SUGCT: variants seen among roughly 807,000 people sequenced by gnomAD.
SUGCT encodes the protein succinyl-CoA:glutarate CoA-transferase.
In SUGCT, 41 loss-of-function variants were observed where a neutral mutation model predicts 55.0. The ratio of observed to expected loss-of-function variants is 0.74; its 90% CI spans 0.58 to 0.97. The LOEUF (loss-of-function observed/expected upper bound fraction) is 0.97. Ranked by LOEUF, SUGCT falls within the 50% of genes least tolerant of loss-of-function variation. The pLI is 0.00. For synonymous variants in SUGCT, 187 were observed against 200.4 expected (o/e 0.93, Z 0.56); for missense variants, 568 against 547.8 (o/e 1.04, Z -0.37).
intron 12 of SUGCT, among the ~76,000 whole-genome samples, chr7:40,694,384 C>G (rs1486384641): frequency 6.6e-6 from 1 of 152,224 alleles, no homozygotes; most frequent in East Asian, 1.9e-4. Context: ...GGGCTGCCAT[C>G]CCTTTCTTGA....
chr7:40,794,745 T>C (rs1399574750), intron 13 of SUGCT, among the ~76,000 whole-genome samples: 1 of 152,214 alleles, frequency 6.6e-6, no homozygotes, highest in Non-Finnish European at 1.5e-5. Context: ...TAGCCATACA[T>C]TTAAAATATT....
the SUGCT span, among the ~76,000 whole-genome samples, chr7:40,873,891 A>G: frequency 6.6e-6 from 1 of 152,360 alleles, no homozygotes; most frequent in East Asian, 1.9e-4. Flanking sequence ...AGAGATGGGA[A>G]TGACTCTGTA....
At chr7:40,723,656 C>T (rs138706730) in intron 12 of SUGCT, among the ~76,000 whole-genome samples, 13 of 152,174 alleles carry the variant, frequency 8.5e-5, no homozygotes, top group African/African-American at 3.1e-4. Flanking sequence ...AATTAAATCA[C>T]GAAACCACAG....
chr7:40,763,441 C>T (rs1055433387), intron 13 of SUGCT, among the ~76,000 whole-genome samples: 6 of 152,104 alleles, frequency 3.9e-5, no homozygotes, highest in East Asian at 3.9e-4. Flanking sequence ...CCTTTTATTG[C>T]GATGCTCTAC....
At chr7:40,650,657 T>C (rs1028346425) in intron 12 of SUGCT, among the ~76,000 whole-genome samples, 1 of 152,222 alleles carries the variant, frequency 6.6e-6, no homozygotes, top group Non-Finnish European at 1.5e-5. Flanking sequence ...TTGCTAAGAA[T>C]AATCAAAATT....
At chr7:40,175,992 G>A (rs1431056724) in intron 1 of SUGCT, among the ~76,000 whole-genome samples, 1 of 152,104 alleles carries the variant, frequency 6.6e-6, no homozygotes, top group Non-Finnish European at 1.5e-5. Context: ...AGCACTGTGG[G>A]AGGCTGAGGT....
At chr7:40,889,254 G>A in the SUGCT span, among the ~76,000 whole-genome samples, 1 of 152,096 alleles carries the variant, frequency 6.6e-6, no homozygotes, top group Non-Finnish European at 1.5e-5. Flanking sequence ...AAAGTACGGG[G>A]GATCAGTCTG....
chr7:40,698,471 CT>C (rs986221523), intron 12 of SUGCT, among the ~76,000 whole-genome samples: 5 of 152,224 alleles, frequency 3.3e-5, no homozygotes, highest in Non-Finnish European at 7.3e-5. Context: ...AGGATGCTGT[CT>C]CCCTTAGGGT....
rs561282363 is a variant in SUGCT at position 40,572,114 on chromosome 7, A to G, written c.1089+75728A>G. ...CGGGCCCAGGTCTGCTTAGCATTAC[A>G]CAGTGCTTAGCTTCGTTCAGGATGT... is the stretch of plus-strand genomic sequence containing the variant. On this transcript the variant is annotated intron_variant, in intron 12 of 13. Coordinates refer to ENST00000335693, the MANE Select transcript of SUGCT (RefSeq NM_001193313.2). Among the ~76,000 whole-genome samples the G allele has an allele frequency of 6.6e-5, 10 of 152,138 alleles. No individual in the cohort carries two copies. The East Asian group carries it at 1.2e-3, about 18-fold the overall frequency.
chr7:40,683,913 A>G (rs868634901), intron 12 of SUGCT: 341 of 1,215,856 alleles, frequency 2.8e-4, no homozygotes, highest in Non-Finnish European at 3.6e-4. Context: ...TCACCAGGCT[A>G]AAATCAAGGT....
rs375485896 is a variant in SUGCT, at chr7:40,187,550, C to A, written c.227-945C>A. Reference sequence around the variant, plus strand: ...CCTGTCATGTGCCATGGACACAGAGCCTTCTGAAACCCCAGTTAGATCAGG... The same window carrying A: ...CCTGTCATGTGCCATGGACACAGAGACTTCTGAAACCCCAGTTAGATCAGG... On this transcript the variant is annotated intron_variant, in intron 3 of 13. Coordinates refer to ENST00000335693, the MANE Select transcript of SUGCT (RefSeq NM_001193313.2). Among the ~76,000 whole-genome samples the A allele has an allele frequency of 2.6e-5, 4 of 152,304 alleles. No individual in the cohort carries two copies. In the East Asian group the frequency reaches 7.7e-4, roughly 29 times the overall value.
the SUGCT span, among the ~76,000 whole-genome samples, chr7:40,917,200 T>C: frequency 6.6e-6 from 1 of 152,222 alleles, no homozygotes; most frequent in Non-Finnish European, 1.5e-5. Flanking sequence ...CTGTCAACTC[T>C]AGTAAACTTT....
chr7:40,349,452 C>T (rs73688052), intron 9 of SUGCT, among the ~76,000 whole-genome samples: 2,314 of 150,980 alleles, frequency 0.015, 49 homozygotes, highest in South Asian at 0.06. Context: ...TTACACTTGA[C>T]ACTATAATAG....
intron 9 of SUGCT, among the ~76,000 whole-genome samples, chr7:40,327,291 T>C (rs115557956): frequency 0.016 from 2,497 of 152,248 alleles, 43 homozygotes; most frequent in African/African-American, 0.051. Context: ...TTGGAACCAG[T>C]TGGCCAGGAG....
At chr7:40,684,859 C>G (rs548794207) in intron 12 of SUGCT, among the ~76,000 whole-genome samples, 1 of 152,106 alleles carries the variant, frequency 6.6e-6, no homozygotes, top group Admixed American at 6.6e-5. Flanking sequence ...GAGACAGAAT[C>G]CTGCTGTGTT....
chr7:40,944,911 T>C, the SUGCT span, among the ~76,000 whole-genome samples: 1 of 152,212 alleles, frequency 6.6e-6, no homozygotes, highest in African/African-American at 2.4e-5. Context: ...TTGTAGAGGA[T>C]GATGCCTAAA....
chr7:40,726,962 A>C (rs1786643538), intron 12 of SUGCT, among the ~76,000 whole-genome samples: 1 of 152,232 alleles, frequency 6.6e-6, no homozygotes, highest in South Asian at 2.1e-4. Flanking sequence ...CTCGAGACAG[A>C]GTAGTGTGTG....
chr7:40,828,784 G>A (rs1222502697), intron 13 of SUGCT, among the ~76,000 whole-genome samples: 1 of 152,146 alleles, frequency 6.6e-6, no homozygotes, highest in African/African-American at 2.4e-5. Flanking sequence ...CACCTCCAGC[G>A]GCGCCACAGT....
At chr7:40,583,128 T>G (rs1047659771) in intron 12 of SUGCT, among the ~76,000 whole-genome samples, 2 of 152,150 alleles carry the variant, frequency 1.3e-5, no homozygotes, top group African/African-American at 4.8e-5. Context: ...TGATTTCATT[T>G]TGAAATCAAC....
Sources: allele counts gnomAD v4.1 joint callset (sites outside exome capture counted in the v4.1 genomes callset), GRCh38; gene constraint gnomAD v4.1.1; transcripts MANE v1.5; gene names NCBI Gene and HGNC (gene_info 2026-07-23, HGNC 2026-07-21).